The following FAM177A1 variants were observed in gnomAD, a reference collection of about 807,000 sequenced individuals.
FAM177A1 encodes family with sequence similarity 177 member A1, also known as protein FAM177A1.
A neutral mutation model predicts 26.1 loss-of-function variants in FAM177A1; 22 were observed. The ratio of observed to expected loss-of-function variants is 0.84; its 90% CI spans 0.60 to 1.20. FAM177A1 has a LOEUF of 1.20. Among genes scored for constraint, FAM177A1 ranks in the 50% most tolerant of loss-of-function variants. FAM177A1 has a pLI of 0.00. For missense variants in FAM177A1, 296 were observed against 291.1 expected (o/e 1.02, Z -0.12); for synonymous variants, 95 against 99.3 (o/e 0.96, Z 0.26).
In FAM177A1 at chr14:35,067,683, A is replaced by G. The variant is rs184205229; in HGVS notation, c.340-9467A>G. Reference sequence around the variant, plus strand: ...TTCCCTTTTCTCTACATCCTTGCCAACATTTGTTATCTTTTATCTTTTTGA... The same window carrying G: ...TTCCCTTTTCTCTACATCCTTGCCAGCATTTGTTATCTTTTATCTTTTTGA... On this transcript the variant is annotated intron_variant, in intron 2 of 4. Coordinates refer to ENST00000280987, the MANE Select transcript of FAM177A1 (RefSeq NM_173607.5). 1.5e-3 allele frequency among the ~76,000 whole-genome samples: 236 copies of G among 152,316 alleles called. 2 individuals are homozygous for G. The highest frequency in any genetic ancestry group is 5.5e-3 in the African/African-American group (228 of 41,568).
At chr14:35,062,879 G>A (rs77529451) in intron 2 of FAM177A1, among the ~76,000 whole-genome samples, 25,594 of 145,830 alleles carry the variant, frequency 0.18, 2,424 homozygotes, top group East Asian at 0.37. Flanking sequence ...TTTTATTTGC[G>A]GTTTTTTTTT....
intron 4 of FAM177A1, among the ~76,000 whole-genome samples, chr14:35,079,273 C>G (rs1165923926): frequency 6.6e-6 from 1 of 152,064 alleles, no homozygotes; most frequent in Non-Finnish European, 1.5e-5. Context: ...TGTGAGATGC[C>G]TTATATACAT....
chr14:35,047,013 C>G, intron 1 of FAM177A1: 1 of 1,020,064 alleles, frequency 9.8e-7, no homozygotes, highest in Non-Finnish European at 1.2e-6. Context: ...GCCTGGGCAT[C>G]TGCCCTTTGC....
chr14:35,053,192 A>C, intron 1 of FAM177A1, 86 bp from the exon 2 acceptor site: 1 of 1,256,760 alleles, frequency 8.0e-7, no homozygotes, highest in Non-Finnish European at 1.1e-6. Context: ...TCTTTACTAC[A>C]ATAAACCTAC....
intron 2 of FAM177A1, among the ~76,000 whole-genome samples, chr14:35,074,920 C>G (rs2045372631): frequency 6.6e-6 from 1 of 151,862 alleles, no homozygotes; most frequent in Admixed American, 6.6e-5. Context: ...GTCTGTAATC[C>G]CAGCTACTCG....
chr14:35,079,047 CTTGA>C, intron 4 of FAM177A1, 23 bp downstream of exon 4: 3 of 1,539,630 alleles, frequency 1.9e-6, no homozygotes, highest in Non-Finnish European at 2.6e-6. Context: ...TTTACATTTT[CTTGA>C]TTCAGTTTGG....
intron 2 of FAM177A1, among the ~76,000 whole-genome samples, chr14:35,070,219 A>C (rs2138558458): frequency 6.7e-6 from 1 of 149,662 alleles, no homozygotes; most frequent in Non-Finnish European, 1.5e-5. Flanking sequence ...GATGTACCTT[A>C]AGGTACATGT....
intron 4 of FAM177A1, among the ~76,000 whole-genome samples, chr14:35,079,620 C>T (rs908084926): frequency 2.0e-5 from 3 of 152,182 alleles, no homozygotes; most frequent in African/African-American, 4.8e-5. Context: ...GAACACTTAA[C>T]CCCTCTATAA....
At chr14:35,053,554 T>A in intron 2 of FAM177A1, 103 bp downstream of exon 2, 1 of 944,148 alleles carries the variant, frequency 1.1e-6, no homozygotes, top group Non-Finnish European at 1.6e-6. Context: ...TTAAATCAAC[T>A]ATATTCTTAT....
chr14:35,052,879 A>C (rs978125060), intron 1 of FAM177A1, among the ~76,000 whole-genome samples: 2 of 152,140 alleles, frequency 1.3e-5, no homozygotes, highest in Middle Eastern at 3.2e-3. Flanking sequence ...CCGTGATTGC[A>C]CTACTGCTCT....
chr14:35,067,465 T>C (rs2138553540), intron 2 of FAM177A1, among the ~76,000 whole-genome samples: 1 of 152,324 alleles, frequency 6.6e-6, no homozygotes, highest in East Asian at 1.9e-4. Flanking sequence ...AATGTGGCCA[T>C]TGTGAATAAT....
At chr14:35,057,374 T>C (rs1379317112) in intron 2 of FAM177A1, among the ~76,000 whole-genome samples, 1 of 152,140 alleles carries the variant, frequency 6.6e-6, no homozygotes, top group Non-Finnish European at 1.5e-5. Flanking sequence ...CATAAGTTTT[T>C]GTATGTTATA....
intron 2 of FAM177A1, among the ~76,000 whole-genome samples, chr14:35,061,026 CTT>C (rs1460416983): frequency 1.3e-5 from 2 of 152,006 alleles, no homozygotes; most frequent in African/African-American, 4.8e-5. Flanking sequence ...TTGTTAATCT[CTT>C]ATTGTGACTA....
intron 2 of FAM177A1, among the ~76,000 whole-genome samples, chr14:35,062,589 G>A (rs184315091): frequency 3.3e-5 from 5 of 152,180 alleles, no homozygotes; most frequent in African/African-American, 9.6e-5. Flanking sequence ...TCACCTACCT[G>A]TAGTTGTTTT....
chr14:35,068,520 G>GA (rs2138555206), intron 2 of FAM177A1, among the ~76,000 whole-genome samples: 3 of 152,312 alleles, frequency 2.0e-5, no homozygotes, highest in African/African-American at 7.2e-5. Context: ...GGAATAAAAT[G>GA]AGGTTGTGTT....
rs540285544 is a variant in FAM177A1, at chr14:35,065,177, CTT to C, written c.339+11737_339+11738del. 1.3e-4 allele frequency among the ~76,000 whole-genome samples: 18 copies of C among 143,940 alleles called. No homozygotes were observed. The South Asian group carries it at 3.5e-3, about 28-fold the overall frequency. 94.4% of individuals were successfully genotyped at this position (143,940 alleles called of 152,430 possible). ...TAACTATAATATTTTTGGAGGGAAA[CTT>C]TTTTTTTTTTGAGACGGAGTCTCTC... On this transcript the variant is annotated intron_variant, in intron 2 of 4. Transcript: ENST00000280987.
intron 1 of FAM177A1, among the ~76,000 whole-genome samples, chr14:35,049,861 G>A (rs1443017580): frequency 6.6e-6 from 1 of 152,136 alleles, no homozygotes; most frequent in African/African-American, 2.4e-5. Context: ...GGAGTAAAAT[G>A]TTAATTGACA....
chr14:35,070,199 T>G (rs1225549507), intron 2 of FAM177A1, among the ~76,000 whole-genome samples: 1 of 149,672 alleles, frequency 6.7e-6, no homozygotes, highest in Admixed American at 6.7e-5. Context: ...CTCACTTCAA[T>G]TTTACCTTAG....
chr14:35,080,496 G>C (rs1189980934), intron 4 of FAM177A1, among the ~76,000 whole-genome samples: 1 of 152,138 alleles, frequency 6.6e-6, no homozygotes, highest in African/African-American at 2.4e-5. Flanking sequence ...GCTGGACCCT[G>C]TTTTAAAAAG....
Sources: allele counts gnomAD v4.1 joint callset (sites outside exome capture counted in the v4.1 genomes callset), GRCh38; gene constraint gnomAD v4.1.1; transcripts MANE v1.5; gene names NCBI Gene and HGNC (gene_info 2026-07-23, HGNC 2026-07-21).